Variants in LOC128706666 observed in about 807,000 individuals in gnomAD.
At chr20:10,416,302 T>A in the LOC128706666 span, among the ~76,000 whole-genome samples, 1 of 152,132 alleles carries the variant, frequency 6.6e-6, no homozygotes, top group Non-Finnish European at 1.5e-5. Flanking sequence ...TGGAGTTCTT[T>A]GGCAAAAAGA....
the LOC128706666 span, among the ~76,000 whole-genome samples, chr20:10,421,440 A>G: frequency 2.6e-5 from 4 of 151,474 alleles, no homozygotes; most frequent in African/African-American, 2.4e-5. Flanking sequence ...AAAAAATTAC[A>G]TTTAGTCACA....
At chr20:10,427,518 G>C in the LOC128706666 span, among the ~76,000 whole-genome samples, 1 of 152,058 alleles carries the variant, frequency 6.6e-6, no homozygotes, top group Non-Finnish European at 1.5e-5. Flanking sequence ...TGACAATGTT[G>C]GCTTTAGGTA....
the LOC128706666 span, among the ~76,000 whole-genome samples, chr20:10,429,720 A>G: frequency 2.6e-5 from 4 of 152,178 alleles, no homozygotes; most frequent in Non-Finnish European, 5.9e-5. Flanking sequence ...GTTTCTTTAC[A>G]TAATCCCTCC....
chr20:10,413,936 T>C, the LOC128706666 span: 2 of 406,012 alleles, frequency 4.9e-6, no homozygotes, highest in African/African-American at 4.1e-5. Context: ...CTTTACCTAA[T>C]AAATAATAAA....
At chr20:10,427,045 C>CACACAG in the LOC128706666 span, among the ~76,000 whole-genome samples, 1 of 126,962 alleles carries the variant, frequency 7.9e-6, no homozygotes, top group African/African-American at 2.7e-5. Flanking sequence ...CACACACACA[C>CACACAG]ACACACACAC....
the LOC128706666 span, among the ~76,000 whole-genome samples, chr20:10,416,323 G>A: frequency 6.6e-6 from 1 of 151,662 alleles, no homozygotes; most frequent in South Asian, 2.1e-4. Context: ...ATGATTATAG[G>A]TATGAGGTAA....
At chr20:10,429,708 G>A in the LOC128706666 span, among the ~76,000 whole-genome samples, 2 of 152,164 alleles carry the variant, frequency 1.3e-5, no homozygotes, top group African/African-American at 4.8e-5. Flanking sequence ...TTTGACATAA[G>A]TGTTTCTTTA....
chr20:10,415,288 A>C, the LOC128706666 span, among the ~76,000 whole-genome samples: 1 of 152,078 alleles, frequency 6.6e-6, no homozygotes, highest in Non-Finnish European at 1.5e-5. Flanking sequence ...AAATGAAACA[A>C]ATCTATTTAG....
the LOC128706666 span, among the ~76,000 whole-genome samples, chr20:10,424,989 G>T: frequency 6.6e-6 from 1 of 151,302 alleles, no homozygotes; most frequent in South Asian, 2.1e-4. Context: ...GGAGGCGGAG[G>T]TTGCAGTGAG....
At chr20:10,427,327 CT>C in the LOC128706666 span, among the ~76,000 whole-genome samples, 2 of 152,040 alleles carry the variant, frequency 1.3e-5, no homozygotes, top group East Asian at 3.9e-4. Flanking sequence ...AAAACGGATT[CT>C]TTTTGGTCTT....
the LOC128706666 span, among the ~76,000 whole-genome samples, chr20:10,429,626 C>T: frequency 6.6e-6 from 1 of 152,202 alleles, no homozygotes; most frequent in African/African-American, 2.4e-5. Flanking sequence ...CCATTCAATT[C>T]AGAAATCTGG....
the LOC128706666 span, among the ~76,000 whole-genome samples, chr20:10,433,500 A>G: frequency 2.0e-5 from 3 of 152,214 alleles, no homozygotes; most frequent in African/African-American, 4.8e-5. Flanking sequence ...TGAAGATGTT[A>G]ATGAATGAAT....
the LOC128706666 span, among the ~76,000 whole-genome samples, chr20:10,432,789 CAAAAAA>C: frequency 3.4e-4 from 25 of 74,592 alleles, no homozygotes; most frequent in South Asian, 8.3e-3. Flanking sequence ...GACTCTTTGT[CAAAAAA>C]AAAAAAAAAA....
chr20:10,415,004 A>G, the LOC128706666 span, among the ~76,000 whole-genome samples: 2 of 152,218 alleles, frequency 1.3e-5, no homozygotes, highest in Non-Finnish European at 2.9e-5. Context: ...CTGAGTTGCA[A>G]TTCAATTTCA....
the LOC128706666 span, among the ~76,000 whole-genome samples, chr20:10,421,117 T>TA: frequency 1.3e-5 from 2 of 152,246 alleles, no homozygotes; most frequent in Admixed American, 6.5e-5. Context: ...AGCCTTTTTT[T>TA]AAATTATATT....
chr20:10,427,494 C>T, the LOC128706666 span, among the ~76,000 whole-genome samples: 22 of 152,110 alleles, frequency 1.4e-4, no homozygotes, highest in Non-Finnish European at 1.6e-4. Flanking sequence ...TGTACTATGC[C>T]TTTTCTTTTA....
the LOC128706666 span, among the ~76,000 whole-genome samples, chr20:10,426,486 G>A: frequency 2.1e-4 from 32 of 152,124 alleles, no homozygotes; most frequent in South Asian, 1.5e-3. Flanking sequence ...GCTCACCTCC[G>A]CATGCCAGAT....
chr20:10,426,918 A>AATG, the LOC128706666 span, among the ~76,000 whole-genome samples: 1 of 152,096 alleles, frequency 6.6e-6, no homozygotes, highest in Non-Finnish European at 1.5e-5. Flanking sequence ...CTCAGTATAG[A>AATG]ATGACAGCAA....
chr20:10,429,855 C>T, the LOC128706666 span, among the ~76,000 whole-genome samples: 2 of 152,286 alleles, frequency 1.3e-5, no homozygotes, highest in East Asian at 1.9e-4. Flanking sequence ...ACTAGAAATG[C>T]AAATTATCAA....
Sources: gnomAD v4.1 joint callset for allele counts (sites outside exome capture counted in the v4.1 genomes callset) on GRCh38, gnomAD v4.1.1 for gene constraint, MANE v1.5 for transcripts.